Variants in CACNA2D1 observed in about 807,000 individuals in gnomAD.
CACNA2D1 encodes the protein voltage-dependent calcium channel subunit alpha-2/delta-1.
A neutral mutation model predicts 171.5 loss-of-function variants in CACNA2D1; 53 were observed. That is an observed-to-expected ratio of 0.31 (90% CI 0.25 to 0.39). The LOEUF (loss-of-function observed/expected upper bound fraction) is 0.39. Ranked by LOEUF, CACNA2D1 falls within the 10% of genes least tolerant of loss-of-function variation. The probability of loss-of-function intolerance (pLI) is 1.00; values close to 1 mark genes in which losing one functional copy is unlikely to be tolerated. For synonymous variants in CACNA2D1, 442 were observed against 443.1 expected (o/e 1.00, Z 0.03); for missense variants, 903 against 1,299.8 (o/e 0.69, Z 4.69).
At chr7:82,179,691 T>C (rs1363427745) in intron 3 of CACNA2D1, among the ~76,000 whole-genome samples, 1 of 152,128 alleles carries the variant, frequency 6.6e-6, no homozygotes, top group African/African-American at 2.4e-5. Flanking sequence ...GCTCTGCCAC[T>C]TATGACCAGC....
intron 3 of CACNA2D1, among the ~76,000 whole-genome samples, chr7:82,272,638 AACC>A (rs1808788023): frequency 1.3e-5 from 2 of 152,164 alleles, no homozygotes; most frequent in Admixed American, 6.6e-5. Flanking sequence ...CATGTATACA[AACC>A]ACCTTAGAAG....
chr7:82,402,923 C>A (rs1048781080), intron 1 of CACNA2D1, among the ~76,000 whole-genome samples: 2 of 151,220 alleles, frequency 1.3e-5, no homozygotes, highest in African/African-American at 2.4e-5. Context: ...TTTATAATAA[C>A]GAAAGGCTAT....
intron 10 of CACNA2D1, among the ~76,000 whole-genome samples, chr7:82,047,518 G>A (rs1804690760): frequency 6.6e-6 from 1 of 152,128 alleles, no homozygotes; most frequent in Non-Finnish European, 1.5e-5. Flanking sequence ...CTGATCATAT[G>A]AGTGAGGATG....
rs555793992 is a variant in CACNA2D1 at position 82,061,051 on chromosome 7, T to C, written c.780-524A>G. Among the ~76,000 whole-genome samples, 3 of 152,338 alleles carry C rather than the reference T, an allele frequency of 2.0e-5. No individual in the cohort carries two copies. The East Asian group carries it at 5.8e-4, about 29-fold the overall frequency. On this transcript the variant is annotated intron_variant, in intron 9 of 38. Coordinates refer to ENST00000356860, the MANE Select transcript of CACNA2D1 (RefSeq NM_000722.4). ...CCTCTACATATTCTACAATACTTGGTGACTTCACCTATGTGCAGGGCTGGC... is the reference window on the plus strand; with the variant it reads ...CCTCTACATATTCTACAATACTTGGCGACTTCACCTATGTGCAGGGCTGGC...
At chr7:82,185,477 GA>G (rs1797577385) in intron 3 of CACNA2D1, among the ~76,000 whole-genome samples, 2 of 66,436 alleles carry the variant, frequency 3.0e-5, no homozygotes, top group African/African-American at 6.1e-5. Context: ...GAGAGGGGGG[GA>G]GGGGGAGGAG....
intron 20 of CACNA2D1, among the ~76,000 whole-genome samples, chr7:81,992,304 C>A (rs1336977511): frequency 6.6e-6 from 1 of 151,982 alleles, no homozygotes; most frequent in Admixed American, 6.6e-5. Context: ...ACTTTTATAT[C>A]CTGCAATTTA....
intron 6 of CACNA2D1, among the ~76,000 whole-genome samples, chr7:82,109,587 C>G (rs2097914): frequency 6.6e-6 from 1 of 152,000 alleles, no homozygotes; most frequent in African/African-American, 2.4e-5. Flanking sequence ...ACCATGGTAA[C>G]AATGAAACTA....
chr7:81,964,048 T>C lies in CACNA2D1; in HGVS notation c.2780+8A>G. ...TTCATTACCAATAAAACTAAAATTT[T>C]GACTTACCAGGCAGCAGCAGTGGCC... On this transcript the variant is annotated splice_region_variant and intron_variant, in intron 34 of 38. Transcript: ENST00000356860. The C allele has an allele frequency of 6.2e-7, 1 of 1,610,600 alleles. No homozygotes were observed. Among genetic ancestry groups the C allele is most frequent in the Non-Finnish European group, 8.5e-7 (1 of 1,177,576 alleles).
chr7:81,964,134 T>C (rs1276798534), intron 33 of CACNA2D1, 26 bp from the exon 34 acceptor site: 2 of 1,611,110 alleles, frequency 1.2e-6, no homozygotes. Flanking sequence ...ATAAGGTCAT[T>C]TCAGTAGTCT....
At chr7:82,271,218 T>G (rs1455167201) in intron 3 of CACNA2D1, among the ~76,000 whole-genome samples, 2 of 151,992 alleles carry the variant, frequency 1.3e-5, no homozygotes, top group African/African-American at 4.8e-5. Context: ...CACCTCAAAT[T>G]CATCATGTAG....
Position 82,439,216 on chromosome 7 carries a change from T to C in CACNA2D1, c.95+4149A>G, listed in dbSNP as rs574969251. 8.5e-5 allele frequency among the ~76,000 whole-genome samples: 13 copies of C among 152,190 alleles called. No homozygotes were observed. The South Asian group carries it at 1.2e-3, about 15-fold the overall frequency. ...TTGTTATGAGCACTATTGTAAAAAT[T>C]ATTTGTAAAATTTCTCAATGCATTA... On this transcript the variant is annotated intron_variant, in intron 1 of 38. Coordinates refer to ENST00000356860, the MANE Select transcript of CACNA2D1 (RefSeq NM_000722.4).
chr7:82,254,806 G>A (rs1204434819), intron 3 of CACNA2D1, among the ~76,000 whole-genome samples: 1 of 152,024 alleles, frequency 6.6e-6, no homozygotes, highest in East Asian at 1.9e-4. Context: ...ACATAGGTAG[G>A]GAAAGTCTAA....
At chr7:82,393,029 GAGAGGA>G (rs1256359906) in intron 1 of CACNA2D1, among the ~76,000 whole-genome samples, 8 of 141,816 alleles carry the variant, frequency 5.6e-5, no homozygotes, top group Admixed American at 2.9e-4. Flanking sequence ...GAGACAGAGA[GAGAGGA>G]AGGAAGGAAG....
At chr7:82,208,869 A>G (rs1192237573) in intron 3 of CACNA2D1, among the ~76,000 whole-genome samples, 1 of 152,218 alleles carries the variant, frequency 6.6e-6, no homozygotes, top group Non-Finnish European at 1.5e-5. Flanking sequence ...GTGAGGTAAT[A>G]CATATCTTAA....
chr7:82,197,482 T>TC (rs1798965115), intron 3 of CACNA2D1, among the ~76,000 whole-genome samples: 1 of 152,108 alleles, frequency 6.6e-6, no homozygotes, highest in South Asian at 2.1e-4. Flanking sequence ...AAAACTAGAA[T>TC]TGACAGGCAT....
chr7:82,143,041 C>G (rs258721), intron 4 of CACNA2D1, among the ~76,000 whole-genome samples: 93,151 of 151,990 alleles, frequency 0.61, 29,200 homozygotes, highest in African/African-American at 0.76. Context: ...GTATGGCTGT[C>G]TGTGGGTGTC....
intron 1 of CACNA2D1, among the ~76,000 whole-genome samples, chr7:82,380,887 G>C (rs1823620876): frequency 6.6e-6 from 1 of 152,004 alleles, no homozygotes; most frequent in Non-Finnish European, 1.5e-5. Context: ...TCAAGACGAG[G>C]TTACACCATG....
At chr7:82,110,316 C>A (rs969770447) in intron 6 of CACNA2D1, among the ~76,000 whole-genome samples, 2 of 151,994 alleles carry the variant, frequency 1.3e-5, no homozygotes, top group Non-Finnish European at 2.9e-5. Flanking sequence ...GTGTGGAGCA[C>A]CTACAATAGG....
At chr7:82,210,302 G>A (rs1212316777) in intron 3 of CACNA2D1, among the ~76,000 whole-genome samples, 1 of 151,988 alleles carries the variant, frequency 6.6e-6, no homozygotes. Flanking sequence ...TCTATTTATT[G>A]GTCTGATATG....
Sources: gnomAD v4.1 joint callset for allele counts (sites outside exome capture counted in the v4.1 genomes callset) on GRCh38, gnomAD v4.1.1 for gene constraint, MANE v1.5 for transcripts, NCBI Gene and HGNC (gene_info 2026-07-23, HGNC 2026-07-21) for gene names.